The following CRPPA variants were observed in gnomAD, a reference collection of about 807,000 sequenced individuals.
The protein encoded by CRPPA is D-ribitol-5-phosphate cytidylyltransferase.
CRPPA carries 43 observed loss-of-function variants against 52.0 expected under a neutral mutation model. That is an observed-to-expected ratio of 0.83 (90% confidence interval 0.65 to 1.07). CRPPA has a LOEUF of 1.07. Ranked by LOEUF, CRPPA falls within the 50% of genes least tolerant of loss-of-function variation. CRPPA has a pLI of 0.00. For missense variants in CRPPA, 629 were observed against 551.7 expected (o/e 1.14, Z -1.40); for synonymous variants, 250 against 203.5 (o/e 1.23, Z -1.94).
chr7:16,102,988 A>T (rs1255868674), intron 9 of CRPPA, among the ~76,000 whole-genome samples: 1 of 152,210 alleles, frequency 6.6e-6, no homozygotes, highest in Non-Finnish European at 1.5e-5. Context: ...TCATTCTACC[A>T]TAAAGACAGA....
At chr7:16,297,326 A>C (rs575027165) in intron 5 of CRPPA, among the ~76,000 whole-genome samples, 2 of 152,310 alleles carry the variant, frequency 1.3e-5, no homozygotes, top group East Asian at 3.9e-4. Context: ...AATCTTGACA[A>C]AGAATGCTCA....
intron 9 of CRPPA, among the ~76,000 whole-genome samples, chr7:16,185,392 C>G (rs1030320365): frequency 3.9e-5 from 6 of 152,136 alleles, no homozygotes; most frequent in African/African-American, 1.2e-4. Context: ...AGCTACAATT[C>G]AAGATGAGAT....
At chr7:16,308,218 C>A (rs1164672721) in intron 4 of CRPPA, among the ~76,000 whole-genome samples, 1 of 152,104 alleles carries the variant, frequency 6.6e-6, no homozygotes, top group Non-Finnish European at 1.5e-5. Flanking sequence ...TTATAAATTA[C>A]CAAGTCTCAG....
rs1320102520 is a variant in CRPPA, at chr7:16,124,186, T to C, written c.1252-32387A>G. ...CCAATTTACATTCCCACCAATGGTG[T>C]GTACGAGTTCCATTTTCTCTGCATC... On this transcript the variant is annotated intron_variant, in intron 9 of 9. Coordinates refer to ENST00000407010, the MANE Select transcript of CRPPA (RefSeq NM_001101426.4). Among the ~76,000 whole-genome samples the C allele has an allele frequency of 2.6e-5, 4 of 151,328 alleles. No homozygotes were observed. The East Asian group carries it at 7.8e-4, about 30-fold the overall frequency.
intron 9 of CRPPA, among the ~76,000 whole-genome samples, chr7:16,114,078 T>G (rs1046202929): frequency 4.0e-5 from 6 of 151,878 alleles, no homozygotes; most frequent in Admixed American, 3.3e-4. Context: ...ATAAAAGTGT[T>G]GGGAAAGTAA....
chr7:16,342,798 T>TATATAGATATATAGATATATAGATATA (rs1491461185), intron 3 of CRPPA, among the ~76,000 whole-genome samples: 3 of 101,252 alleles, frequency 3.0e-5, no homozygotes, highest in African/African-American at 1.2e-4. Flanking sequence ...TATATATATA[T>TATATAGATATATAGATATATAGATATA]CTATATAGAT....
intron 8 of CRPPA, among the ~76,000 whole-genome samples, chr7:16,222,293 T>A (rs1472138522): frequency 1.0e-5 from 1 of 100,434 alleles, no homozygotes; most frequent in African/African-American, 3.9e-5. Context: ...GGGGACTGTG[T>A]TGCGGTGGGG....
At chr7:16,204,136 T>C (rs1781917251) in intron 9 of CRPPA, among the ~76,000 whole-genome samples, 1 of 152,186 alleles carries the variant, frequency 6.6e-6, no homozygotes, top group South Asian at 2.1e-4. Flanking sequence ...AATTTACACA[T>C]TTTAGTCTAC....
At chr7:16,389,456 CA>C (rs150294246) in intron 2 of CRPPA, among the ~76,000 whole-genome samples, 1 of 150,372 alleles carries the variant, frequency 6.7e-6, no homozygotes, top group Admixed American at 6.6e-5. Context: ...TTCAACATAT[CA>C]AAAAAAAAGT....
At chr7:16,315,026 T>C (rs1785115253) in intron 3 of CRPPA, among the ~76,000 whole-genome samples, 1 of 152,118 alleles carries the variant, frequency 6.6e-6, no homozygotes, top group Non-Finnish European at 1.5e-5. Flanking sequence ...GTTTTACAGT[T>C]GCCCATGATT....
intron 2 of CRPPA, among the ~76,000 whole-genome samples, chr7:16,388,486 A>G (rs1170865935): frequency 6.6e-6 from 1 of 152,192 alleles, no homozygotes; most frequent in Non-Finnish European, 1.5e-5. Context: ...ACACTGGGGG[A>G]AAGAAGAACT....
chr7:16,345,103 G>C (rs1374598341), intron 3 of CRPPA, among the ~76,000 whole-genome samples: 2 of 152,126 alleles, frequency 1.3e-5, no homozygotes, highest in Non-Finnish European at 2.9e-5. Context: ...AATCTTGAAA[G>C]TAGTAAGAGC....
intron 3 of CRPPA, among the ~76,000 whole-genome samples, chr7:16,348,098 T>C (rs1786061235): frequency 6.6e-6 from 1 of 152,114 alleles, no homozygotes; most frequent in Non-Finnish European, 1.5e-5. Flanking sequence ...ATCAAGGAGA[T>C]AAAGGGTCAG....
intron 3 of CRPPA, among the ~76,000 whole-genome samples, chr7:16,363,187 T>C (rs966479009): frequency 4.6e-5 from 7 of 152,198 alleles, no homozygotes; most frequent in South Asian, 4.1e-4. Context: ...AGGAGCTCTA[T>C]TGGAATTTCA....
At chr7:16,360,080 T>C (rs1233003933) in intron 3 of CRPPA, among the ~76,000 whole-genome samples, 1 of 152,238 alleles carries the variant, frequency 6.6e-6, no homozygotes, top group African/African-American at 2.4e-5. Context: ...ATAAATTGTC[T>C]AGCCTAAAGA....
At chr7:16,303,484 A>AC (rs1203613442) in intron 4 of CRPPA, among the ~76,000 whole-genome samples, 55 of 141,942 alleles carry the variant, frequency 3.9e-4, no homozygotes, top group Non-Finnish European at 5.9e-4. Context: ...TAGTAAAAAA[A>AC]AAAAAAAAAA....
chr7:16,284,626 C>G (rs1784386146), intron 5 of CRPPA, among the ~76,000 whole-genome samples: 1 of 152,116 alleles, frequency 6.6e-6, no homozygotes, highest in Non-Finnish European at 1.5e-5. Context: ...GTGCCATAAT[C>G]ATATGTGACA....
At chr7:16,294,045 C>T (rs931568314) in intron 5 of CRPPA, among the ~76,000 whole-genome samples, 1 of 151,884 alleles carries the variant, frequency 6.6e-6, no homozygotes, top group Non-Finnish European at 1.5e-5. Context: ...AAATGAAAAG[C>T]CTGGTGTTCT....
intron 1 of CRPPA, among the ~76,000 whole-genome samples, chr7:16,407,107 C>T (rs1787972209): frequency 6.6e-6 from 1 of 152,162 alleles, no homozygotes; most frequent in South Asian, 2.1e-4. Context: ...TTCCAAGTAG[C>T]TGGGATTACA....
Sources: allele counts gnomAD v4.1 joint callset (sites outside exome capture counted in the v4.1 genomes callset), GRCh38; gene constraint gnomAD v4.1.1; transcripts MANE v1.5; gene names NCBI Gene and HGNC (gene_info 2026-07-23, HGNC 2026-07-21).